Variants in LRMDA observed in about 807,000 individuals in gnomAD.
LRMDA encodes the protein leucine rich melanocyte differentiation associated, also known as leucine-rich melanocyte differentiation-associated protein.
Under a neutral mutation model 29.8 loss-of-function variants are expected in LRMDA, and 18 were observed. The observed-to-expected ratio is 0.60, with a 90% CI of 0.42 to 0.90. LRMDA has a LOEUF of 0.90. LRMDA is among the 40% of genes least tolerant of loss of function. The probability of loss-of-function intolerance (pLI) is 0.00; values close to 1 mark genes in which losing one functional copy is unlikely to be tolerated. For missense variants in LRMDA, 273 were observed against 273.9 expected, an observed-to-expected ratio of 1.00 and a Z score of 0.02; for synonymous variants, 125 against 109.4, an observed-to-expected ratio of 1.14 and a Z score of -0.89.
chr10:76,429,613 C>A (rs1842169791), intron 6 of LRMDA, among the ~76,000 whole-genome samples: 1 of 152,104 alleles, frequency 6.6e-6, no homozygotes, highest in African/African-American at 2.4e-5. Context: ...CTATTCTTTT[C>A]AAAGTCACTG....
chr10:76,199,420 T>G (rs2132230633), intron 5 of LRMDA, among the ~76,000 whole-genome samples: 1 of 152,348 alleles, frequency 6.6e-6, no homozygotes, highest in African/African-American at 2.4e-5. Context: ...TTAACTTCTC[T>G]ATTCCTCCTT....
intron 2 of LRMDA, among the ~76,000 whole-genome samples, chr10:75,490,661 C>T (rs1177444851): frequency 6.6e-6 from 1 of 152,156 alleles, no homozygotes; most frequent in East Asian, 1.9e-4. Context: ...ATCCCAAGGC[C>T]TCTAGTTGAT....
chr10:75,701,229 T>C (rs1842304673), intron 2 of LRMDA, among the ~76,000 whole-genome samples: 1 of 152,150 alleles, frequency 6.6e-6, no homozygotes, highest in African/African-American at 2.4e-5. Flanking sequence ...TGTGAGAATC[T>C]GCCAACCATA....
chr10:75,527,693 TA>T (rs1393348888), intron 2 of LRMDA, among the ~76,000 whole-genome samples: 2 of 145,754 alleles, frequency 1.4e-5, no homozygotes, highest in African/African-American at 5.1e-5. Context: ...ATATAATTTA[TA>T]TTATAATTGT....
chr10:76,195,344 C>T (rs1031724737), intron 5 of LRMDA, among the ~76,000 whole-genome samples: 10 of 152,154 alleles, frequency 6.6e-5, no homozygotes, highest in African/African-American at 2.2e-4. Flanking sequence ...ATTAAAGTAG[C>T]GACCAGGGCA....
At chr10:75,713,832 C>G (rs891012535) in intron 2 of LRMDA, among the ~76,000 whole-genome samples, 6 of 152,106 alleles carry the variant, frequency 3.9e-5, no homozygotes, top group Non-Finnish European at 7.4e-5. Context: ...CTCCCTGTCT[C>G]TCCCTTCTCT....
chr10:76,398,072 C>G (rs1841807686), intron 6 of LRMDA, among the ~76,000 whole-genome samples: 1 of 152,188 alleles, frequency 6.6e-6, no homozygotes, highest in Non-Finnish European at 1.5e-5. Flanking sequence ...ATGTTTTCAG[C>G]TGTGCCAGAA....
chr10:76,013,354 T>C (rs2132482459), intron 2 of LRMDA, among the ~76,000 whole-genome samples: 1 of 152,132 alleles, frequency 6.6e-6, no homozygotes, highest in African/African-American at 2.4e-5. Context: ...GGGTCATTTT[T>C]CTCCCCTTCA....
At chr10:76,429,046 ACACACACACACATTCCC>A (rs1842162087) in intron 6 of LRMDA, among the ~76,000 whole-genome samples, 1 of 151,920 alleles carries the variant, frequency 6.6e-6, no homozygotes, top group African/African-American at 2.4e-5. Flanking sequence ...ACACAAACAC[ACACACACACACATTCCC>A]CACACTGGCA....
At chr10:75,786,246 A>C (rs1843470850) in intron 2 of LRMDA, among the ~76,000 whole-genome samples, 1 of 152,150 alleles carries the variant, frequency 6.6e-6, no homozygotes, top group Admixed American at 6.5e-5. Flanking sequence ...GGTTTCCATC[A>C]ATTCTGATGA....
At chr10:75,634,632 GA>G (rs1352258543) in intron 2 of LRMDA, among the ~76,000 whole-genome samples, 1 of 152,126 alleles carries the variant, frequency 6.6e-6, no homozygotes, top group Non-Finnish European at 1.5e-5. Context: ...AGTAAGATAA[GA>G]AATTGAAAAC....
At chr10:76,315,487 G>GT (rs1295479679) in intron 5 of LRMDA, among the ~76,000 whole-genome samples, 1 of 152,232 alleles carries the variant, frequency 6.6e-6, no homozygotes, top group African/African-American at 2.4e-5. Context: ...GAGCAAAGTT[G>GT]TGGCCAAGCC....
At chr10:76,148,486 C>A (rs11814698) in intron 5 of LRMDA, among the ~76,000 whole-genome samples, 7 of 152,254 alleles carry the variant, frequency 4.6e-5, no homozygotes, top group African/African-American at 1.7e-4. Context: ...TAGGACCCTC[C>A]GAGCCATGTG....
chr10:75,574,985 T>C (rs1275951454), intron 2 of LRMDA, among the ~76,000 whole-genome samples: 2 of 152,110 alleles, frequency 1.3e-5, no homozygotes, highest in Non-Finnish European at 2.9e-5. Context: ...CTGGGGAGGC[T>C]GCAGGAAGCT....
chr10:75,985,167 G>A (rs1847241723), intron 2 of LRMDA, among the ~76,000 whole-genome samples: 1 of 152,022 alleles, frequency 6.6e-6, no homozygotes, highest in South Asian at 2.1e-4. Context: ...GAGAAACGAT[G>A]GAAATGGGAA....
chr10:76,440,089 C>T (rs1353907569), intron 6 of LRMDA, among the ~76,000 whole-genome samples: 5 of 152,074 alleles, frequency 3.3e-5, no homozygotes, highest in African/African-American at 4.8e-5. Flanking sequence ...GTACATAGAT[C>T]GTTAAGTTAA....
intron 6 of LRMDA, among the ~76,000 whole-genome samples, chr10:76,330,853 A>T (rs370052603): frequency 3.3e-5 from 5 of 152,254 alleles, no homozygotes; most frequent in African/African-American, 1.2e-4. Context: ...TCTGATCATT[A>T]TAAACAAAAT....
At chr10:75,880,402 C>T (rs936333678) in intron 2 of LRMDA, among the ~76,000 whole-genome samples, 5 of 152,186 alleles carry the variant, frequency 3.3e-5, no homozygotes, top group African/African-American at 7.2e-5. Flanking sequence ...AAAATTTTCA[C>T]GCTAACATTT....
At chr10:76,487,802 T>G (rs1175228200) in intron 6 of LRMDA, among the ~76,000 whole-genome samples, 1 of 151,940 alleles carries the variant, frequency 6.6e-6, no homozygotes, top group Non-Finnish European at 1.5e-5. Flanking sequence ...ACACAGCTAC[T>G]AAGTGAAAGA....
Sources: allele counts gnomAD v4.1 joint callset (sites outside exome capture counted in the v4.1 genomes callset), GRCh38; gene constraint gnomAD v4.1.1; transcripts MANE v1.5; gene names NCBI Gene and HGNC (gene_info 2026-07-23, HGNC 2026-07-21).